The following AGMO variants were observed in gnomAD, a reference collection of about 807,000 sequenced individuals.
AGMO encodes alkylglycerol monooxygenase, also known as glyceryl-ether monooxygenase.
AGMO carries 75 observed loss-of-function variants against 60.2 expected under a neutral mutation model. That is an observed-to-expected ratio of 1.25 (90% confidence interval 1.03 to 1.51). The LOEUF is 1.51. AGMO is among the 40% of genes most tolerant of loss of function. The pLI is 0.00. For missense variants in AGMO, 763 were observed against 525.5 expected (o/e 1.45, Z -4.42); for synonymous variants, 261 against 177.1 (o/e 1.47, Z -3.76).
At chr7:15,169,424 TTTTCTTTTTTTTCTTTC>T in the AGMO span, among the ~76,000 whole-genome samples, 4 of 152,126 alleles carry the variant, frequency 2.6e-5, no homozygotes, top group South Asian at 4.2e-4. Context: ...ATTGGTGTCT[TTTTCTTTTTTTTCTTTC>T]TTTCTTTTTT....
chr7:15,347,567 A>G lies in AGMO; in HGVS notation c.1263+17947T>C, dbSNP rs902344910. On this transcript the variant is annotated intron_variant, in intron 12 of 12. Transcript: ENST00000342526. ...AAATAATTAAAACCTCGCCTAGAAG[A>G]TAATTCATGACTCAAAAACATCCTC... 1.6e-4 allele frequency among the ~76,000 whole-genome samples: 24 copies of G among 151,984 alleles called. 1 individual carries two copies. Among genetic ancestry groups the G allele is most frequent in the Non-Finnish European group, 4.4e-5 (3 of 67,912 alleles).
chr7:15,340,722 T>G (rs1056925209), intron 12 of AGMO, among the ~76,000 whole-genome samples: 1 of 152,086 alleles, frequency 6.6e-6, no homozygotes, highest in Non-Finnish European at 1.5e-5. Context: ...TCAGAGGATA[T>G]ATAAAAACAC....
At chr7:15,284,676 T>TA (rs1441896209) in intron 12 of AGMO, among the ~76,000 whole-genome samples, 8 of 151,918 alleles carry the variant, frequency 5.3e-5, no homozygotes, top group Admixed American at 1.3e-4. Context: ...CTGCTGGAAC[T>TA]AGTCCAAAAG....
Position 15,317,927 on chromosome 7 carries a change from GTA to G in AGMO, c.1263+47585_1263+47586del, listed in dbSNP as rs150303018. Among the ~76,000 whole-genome samples, 1,160 of 126,736 alleles carry G rather than the reference GTA, an allele frequency of 9.2e-3. 15 individuals carry two copies. The highest frequency in any genetic ancestry group is 0.03 in the African/African-American group (932 of 30,688). The allele number at this position is 126,736 out of a possible 152,430, so 83.1% of individuals were successfully genotyped here. ...CACACGTATATATATATACACACAC[GTA>G]TATATATATATACACACACACACAC... On this transcript the variant is annotated intron_variant, in intron 12 of 12. Coordinates refer to ENST00000342526, the MANE Select transcript of AGMO (RefSeq NM_001004320.2).
At chr7:15,434,451 T>C (rs1210938266) in intron 3 of AGMO, among the ~76,000 whole-genome samples, 5 of 152,140 alleles carry the variant, frequency 3.3e-5, no homozygotes, top group Admixed American at 6.6e-5. Flanking sequence ...CAGTAGCTTG[T>C]GTCTTGGGTG....
At chr7:15,334,375 A>T (rs1781587882) in intron 12 of AGMO, among the ~76,000 whole-genome samples, 1 of 151,700 alleles carries the variant, frequency 6.6e-6, no homozygotes, top group African/African-American at 2.4e-5. Flanking sequence ...GCTTTCAAGT[A>T]GTCCTGTCTT....
intron 12 of AGMO, among the ~76,000 whole-genome samples, chr7:15,348,931 A>C (rs1241445639): frequency 6.6e-6 from 1 of 152,138 alleles, no homozygotes; most frequent in Non-Finnish European, 1.5e-5. Context: ...ATAGAACCTC[A>C]AAGTTCTTCT....
rs139642069 is a variant in AGMO, at chr7:15,247,459, C to CACAGAG, written c.1264-46101_1264-46100insCTCTGT. On this transcript the variant is annotated intron_variant, in intron 12 of 12. Coordinates refer to ENST00000342526, the MANE Select transcript of AGMO (RefSeq NM_001004320.2). ...ACACACACACACACACACACACACA[C>CACAGAG]AGAGAGAGAGAGAGAGAGAGGGAGA... 4.5e-4 allele frequency among the ~76,000 whole-genome samples: 52 copies of CACAGAG among 115,278 alleles called. 1 individual carries two copies. Among genetic ancestry groups the CACAGAG allele is most frequent in the Middle Eastern group, 4.7e-3 (1 of 212 alleles). The allele number at this position is 115,278 out of a possible 152,430, so 75.6% of individuals were successfully genotyped here. A position where few individuals can be genotyped will look rare whatever the true frequency, so the allele number is the denominator to read the frequency against.
chr7:15,187,904 C>G, the AGMO span, among the ~76,000 whole-genome samples: 1 of 151,502 alleles, frequency 6.6e-6, no homozygotes, highest in Non-Finnish European at 1.5e-5. Flanking sequence ...TTAACTCCCC[C>G]CCGACTGCCC....
At chr7:15,418,946 G>C (rs1311893976) in intron 4 of AGMO, among the ~76,000 whole-genome samples, 1 of 151,674 alleles carries the variant, frequency 6.6e-6, no homozygotes, top group Admixed American at 6.6e-5. Context: ...GTGTTTTCTG[G>C]AATTAAAGGG....
intron 12 of AGMO, among the ~76,000 whole-genome samples, chr7:15,215,040 C>G (rs1165868977): frequency 6.6e-6 from 1 of 152,052 alleles, no homozygotes; most frequent in Non-Finnish European, 1.5e-5. Flanking sequence ...TAAATTCTGT[C>G]ACAACACATG....
chr7:15,506,836 T>C (rs1333660032), intron 3 of AGMO, among the ~76,000 whole-genome samples: 2 of 151,530 alleles, frequency 1.3e-5, no homozygotes, highest in Non-Finnish European at 3.0e-5. Flanking sequence ...AGAGAGTCCC[T>C]AAAAACAACA....
chr7:15,247,449 C>CAG (rs748208299), intron 12 of AGMO, among the ~76,000 whole-genome samples: 17,591 of 113,302 alleles, frequency 0.16, 1,067 homozygotes, highest in East Asian at 0.29. Flanking sequence ...CACACACACA[C>CAG]ACACACACAC....
chr7:15,366,181 A>C lies in AGMO; in HGVS notation c.1116T>G (p.Ile372Met), dbSNP rs771969222. The C allele has an allele frequency of 2.0e-5, 32 of 1,609,330 alleles. No homozygotes were observed. The highest frequency in any genetic ancestry group is 2.6e-5 in the Non-Finnish European group (31 of 1,177,324). Residue 372 changes from isoleucine (I) to methionine (M), a missense_variant, in exon 11 of 13, where the codon ATT becomes ATG. By Grantham distance (10) the Ile-to-Met change is conservative (BLOSUM62 1). Transcript: ENST00000342526. ...ATCCAATGGAAGTCAAGGTCAGGATAATGAAGCAAACCCTCAGAAGGAGAG... is the reference window on the plus strand; with the variant it reads ...ATCCAATGGAAGTCAAGGTCAGGATCATGAAGCAAACCCTCAGAAGGAGAG... ...QVTLLLRVCFIILTLTSIGFL... is the reference protein window; with the variant it reads ...QVTLLLRVCFMILTLTSIGFL...
chr7:15,396,620 G>T (rs1414962192), intron 5 of AGMO: 1 of 144,278 alleles, frequency 6.9e-6, no homozygotes, highest in African/African-American at 2.6e-5. Context: ...ATCCGGCCCC[G>T]CCCCCTCCCC....
At chr7:15,117,847 T>C in the AGMO span, among the ~76,000 whole-genome samples, 4 of 151,914 alleles carry the variant, frequency 2.6e-5, no homozygotes, top group Non-Finnish European at 5.9e-5. Context: ...ATCTAGTATA[T>C]TATGGTTTAT....
chr7:15,316,949 T>A (rs1241192511), intron 12 of AGMO, among the ~76,000 whole-genome samples: 2 of 152,190 alleles, frequency 1.3e-5, no homozygotes, highest in Non-Finnish European at 2.9e-5. Context: ...AAAGAGAATA[T>A]TCAGCTTTTT....
At position 15,510,561 on chromosome 7, in the gene AGMO, C is replaced by T. The variant is rs1365023773; in HGVS notation, c.409+34211G>A. Among the ~76,000 whole-genome samples the T allele has an allele frequency of 1.5e-4, 21 of 140,022 alleles. No homozygotes were observed. In the Admixed American group the frequency reaches 1.5e-3, roughly 10 times the overall value. The allele number at this position is 140,022 out of a possible 152,430, so 91.9% of individuals were successfully genotyped here. A position where few individuals can be genotyped will look rare whatever the true frequency, so the allele number is the denominator to read the frequency against. On this transcript the variant is annotated intron_variant, in intron 3 of 12. Transcript: ENST00000342526. ...ATCTATATATATCATATATATATGTCATATATGTGATATATATGACATATA... is the reference window on the plus strand; with the variant it reads ...ATCTATATATATCATATATATATGTTATATATGTGATATATATGACATATA...
chr7:15,535,586 T>C (rs944952311), intron 3 of AGMO, among the ~76,000 whole-genome samples: 7 of 151,960 alleles, frequency 4.6e-5, no homozygotes, highest in Non-Finnish European at 1.0e-4. Context: ...ATACATTTTA[T>C]ATCTGGACTT....
Sources: allele counts gnomAD v4.1 joint callset (sites outside exome capture counted in the v4.1 genomes callset), GRCh38; gene constraint gnomAD v4.1.1; transcripts MANE v1.5; gene names NCBI Gene and HGNC (gene_info 2026-07-23, HGNC 2026-07-21).